The following DZANK1 variants were observed in gnomAD, a reference collection of about 807,000 sequenced individuals.
DZANK1 encodes the protein double zinc ribbon and ankyrin repeat domains 1, also known as double zinc ribbon and ankyrin repeat-containing protein 1.
A neutral mutation model predicts 94.5 loss-of-function variants in DZANK1; 91 were observed. That is an observed-to-expected ratio of 0.96 (90% confidence interval 0.81 to 1.15). DZANK1 has a LOEUF of 1.15. DZANK1 is among the 50% of genes most tolerant of loss of function. DZANK1 has a pLI of 0.00. For synonymous variants in DZANK1, 312 were observed against 325.3 expected (o/e 0.96, Z 0.44); for missense variants, 903 against 916.4 (o/e 0.99, Z 0.19).
Position 18,435,844 on chromosome 20 carries a change from T to A in DZANK1, c.748-2079A>T, listed in dbSNP as rs182070339. The stretch of plus-strand genomic sequence containing the variant: ...ACTTCTCTAATTAAGAAAAAAAATT[T>A]AAAAAAAATAAAAAGCCTGACACTA... On this transcript the variant is annotated intron_variant, in intron 8 of 20. Transcript: ENST00000262547. 2.8e-3 allele frequency among the ~76,000 whole-genome samples: 424 copies of A among 151,436 alleles called. 5 individuals carry two copies. The highest frequency in any genetic ancestry group is 0.02 in the Admixed American group (302 of 15,210).
chr20:18,415,512 T>C (rs2057450808), intron 10 of DZANK1, 63 bp from the exon 11 acceptor site: 6 of 1,316,694 alleles, frequency 4.6e-6, no homozygotes, highest in African/African-American at 1.5e-5. Flanking sequence ...CCCCTCCCAA[T>C]TCAAAAAAGA....
intron 10 of DZANK1, among the ~76,000 whole-genome samples, chr20:18,425,702 TGTG>T (rs1172969727): frequency 6.6e-6 from 1 of 152,190 alleles, no homozygotes; most frequent in African/African-American, 2.4e-5. Flanking sequence ...CAAGTTAAAA[TGTG>T]GTCATTAGGG....
Position 18,441,878 on chromosome 20 carries a change from G to A in DZANK1, c.747+1469C>T, listed in dbSNP as rs1408881162. Among the ~76,000 whole-genome samples, 2 of 152,212 alleles carry A rather than the reference G, an allele frequency of 1.3e-5. No individual in the cohort carries two copies. The highest frequency in any genetic ancestry group is 4.8e-5 in the African/African-American group (2 of 41,442). On this transcript the variant is annotated intron_variant, in intron 8 of 20. Coordinates refer to ENST00000262547, the Ensembl canonical transcript of DZANK1. This position sits in a 1 kb window ranked among gnomAD's most constrained non-coding sequence, Gnocchi z 4.1. Reference sequence around the variant, plus strand: ...GCTGGGGTGCCAGTGGAACTGAGAAGCGTCCATGGGACAACACTGAAATTC... The same window carrying A: ...GCTGGGGTGCCAGTGGAACTGAGAAACGTCCATGGGACAACACTGAAATTC...
rs151244189 is a variant in DZANK1, at chr20:18,461,515, T to C, written c.110-1209A>G. 3.6e-3 allele frequency among the ~76,000 whole-genome samples: 547 copies of C among 152,250 alleles called. 1 individual carries two copies. The highest frequency in any genetic ancestry group is 0.01 in the Middle Eastern group (3 of 294). On this transcript the variant is annotated intron_variant, in intron 2 of 20. Coordinates refer to ENST00000262547, the Ensembl canonical transcript of DZANK1. ...ATAAGCACTATAATAAATAATTTTGTAAAGAATTATTTCTGTAAATATATG... is the reference window on the plus strand; with the variant it reads ...ATAAGCACTATAATAAATAATTTTGCAAAGAATTATTTCTGTAAATATATG...
chr20:18,433,291 C>T (rs1411566434), intron 9 of DZANK1: 5 of 243,284 alleles, frequency 2.1e-5, no homozygotes, highest in Non-Finnish European at 3.2e-5. Context: ...GCCTGTAATC[C>T]AGCACTTTGG....
chr20:18,399,082 C>T (rs2056523635), intron 13 of DZANK1, among the ~76,000 whole-genome samples: 1 of 147,920 alleles, frequency 6.8e-6, no homozygotes, highest in East Asian at 2.0e-4. Flanking sequence ...GCTGAGATTG[C>T]ACCACTGCAC....
At position 18,415,453 on chromosome 20, in the gene DZANK1, G is replaced by C; in HGVS notation, c.955-4C>G. 1 of 1,493,096 alleles carries C rather than the reference G, an allele frequency of 6.7e-7. No homozygotes were observed. Among genetic ancestry groups the C allele is most frequent in the Non-Finnish European group, 9.0e-7 (1 of 1,115,194 alleles). The allele number at this position is 1,493,096 out of a possible 1,614,324, so 92.5% of individuals were successfully genotyped here. ...CTTTATCCCCACTGCACATCGACTG[G>C]TGAATGAAATGGCATTTAAAGGCAG... On this transcript the variant is annotated splice_polypyrimidine_tract_variant and splice_region_variant and intron_variant, in intron 10 of 20. Transcript: ENST00000262547.
intron 17 of DZANK1, 63 bp downstream of exon 17, chr20:18,393,648 A>G (rs187083784): frequency 4.1e-5 from 47 of 1,159,354 alleles, no homozygotes; most frequent in Non-Finnish European, 2.9e-5. Flanking sequence ...AAAAAGGTCA[A>G]AATAAAACCT....
At chr20:18,403,503 A>G (rs1224692417) in intron 13 of DZANK1, among the ~76,000 whole-genome samples, 1 of 152,232 alleles carries the variant, frequency 6.6e-6, no homozygotes, top group African/African-American at 2.4e-5. Flanking sequence ...AAAGTGTGGG[A>G]AAGTTCAAGC....
intron 8 of DZANK1, among the ~76,000 whole-genome samples, chr20:18,437,528 G>A (rs962975041): frequency 3.3e-5 from 5 of 152,068 alleles, no homozygotes; most frequent in African/African-American, 7.2e-5. Context: ...GCAGTGAGCC[G>A]AGATTGTGCC....
intron 13 of DZANK1, among the ~76,000 whole-genome samples, chr20:18,410,913 C>T (rs946979237): frequency 3.3e-5 from 5 of 152,060 alleles, no homozygotes; most frequent in South Asian, 2.1e-4. Flanking sequence ...ATTGTGCCAC[C>T]GCACTCCAGC....
At chr20:18,419,348 C>A (rs567284587) in intron 10 of DZANK1, among the ~76,000 whole-genome samples, 1 of 150,964 alleles carries the variant, frequency 6.6e-6, no homozygotes, top group Non-Finnish European at 1.5e-5. Context: ...GACTTCCAGA[C>A]GGAGAGTAGA....
At chr20:18,464,581 C>G (rs772690640) in intron 2 of DZANK1, among the ~76,000 whole-genome samples, 6 of 150,982 alleles carry the variant, frequency 4.0e-5, no homozygotes, top group Non-Finnish European at 7.4e-5. Flanking sequence ...TCCAACCTGT[C>G]TGACTGGAAA....
intron 4 of DZANK1, chr20:18,454,522 T>G (rs773654935): frequency 6.3e-6 from 1 of 159,704 alleles, no homozygotes; most frequent in Non-Finnish European, 1.4e-5. Context: ...GCCTAACTCC[T>G]TGAATCTTTC....
exon 16 of DZANK1, chr20:18,394,258 G>T: frequency 6.2e-7 from 1 of 1,613,104 alleles, no homozygotes; most frequent in Non-Finnish European, 8.5e-7. Context: ...ACTCACCCCA[G>T]CTGGACCTGC....
intron 19 of DZANK1, among the ~76,000 whole-genome samples, chr20:18,387,140 C>A (rs2048543049): frequency 1.3e-5 from 2 of 152,192 alleles, no homozygotes; most frequent in South Asian, 2.1e-4. Context: ...ATAAAGCATT[C>A]ACCATTTGAA....
chr20:18,402,621 A>G (rs2056745670), intron 13 of DZANK1, among the ~76,000 whole-genome samples: 1 of 152,154 alleles, frequency 6.6e-6, no homozygotes, highest in Admixed American at 6.5e-5. Flanking sequence ...AGGGCTGAAC[A>G]GCACACTTGA....
At chr20:18,412,333 T>A (rs1050036556) in intron 13 of DZANK1, among the ~76,000 whole-genome samples, 7 of 151,984 alleles carry the variant, frequency 4.6e-5, no homozygotes, top group African/African-American at 1.7e-4. Context: ...AAAAAAGGGA[T>A]AATGGCAGAT....
At chr20:18,457,686 T>C (rs533158715) in intron 3 of DZANK1, among the ~76,000 whole-genome samples, 4 of 152,142 alleles carry the variant, frequency 2.6e-5, no homozygotes, top group Non-Finnish European at 5.9e-5. Flanking sequence ...TTCCAGCCAA[T>C]TGGAAGCAAA....
Sources: allele counts gnomAD v4.1 joint callset (sites outside exome capture counted in the v4.1 genomes callset), GRCh38; gene constraint gnomAD v4.1.1; non-coding constraint Gnocchi (gnomAD v3.1); transcripts MANE v1.5; gene names NCBI Gene and HGNC (gene_info 2026-07-23, HGNC 2026-07-21).